SH3GL2: variants seen among roughly 807,000 people sequenced by gnomAD.
SH3GL2 encodes endophilin-A1.
In SH3GL2, 24 loss-of-function variants were observed where a neutral mutation model predicts 46.0. The ratio of observed to expected loss-of-function variants is 0.52; its 90% CI spans 0.38 to 0.73. SH3GL2 has a LOEUF of 0.73. Ranked by LOEUF, SH3GL2 falls within the 30% of genes least tolerant of loss-of-function variation. The pLI, the probability that SH3GL2 is intolerant of heterozygous loss-of-function variation, is 0.00. For missense variants in SH3GL2, 413 were observed against 424.2 expected (o/e 0.97, Z 0.23); for synonymous variants, 196 against 147.1 (o/e 1.33, Z -2.40).
chr9:17,634,077 T>C (rs1819490423), intron 1 of SH3GL2, among the ~76,000 whole-genome samples: 2 of 152,210 alleles, frequency 1.3e-5, no homozygotes, highest in Non-Finnish European at 2.9e-5. Flanking sequence ...ACTCAGACTC[T>C]TGATGTGGAG....
At chr9:17,677,998 C>T (rs1343858092) in intron 1 of SH3GL2, among the ~76,000 whole-genome samples, 24 of 152,148 alleles carry the variant, frequency 1.6e-4, no homozygotes, top group African/African-American at 3.6e-4. Context: ...ATGGTGTGTA[C>T]GTGCCACATT....
chr9:17,679,705 C>T (rs527593227), intron 1 of SH3GL2, among the ~76,000 whole-genome samples: 294 of 152,198 alleles, frequency 1.9e-3, no homozygotes, highest in East Asian at 6.0e-3. Flanking sequence ...TTGTCTTGTG[C>T]GAGTTTTCAA....
chr9:17,588,506 G>T (rs1388118336), intron 1 of SH3GL2, among the ~76,000 whole-genome samples: 4 of 152,178 alleles, frequency 2.6e-5, no homozygotes, highest in African/African-American at 9.7e-5. Flanking sequence ...AGCAGGACTG[G>T]ACATGCTGTT....
intron 1 of SH3GL2, among the ~76,000 whole-genome samples, chr9:17,699,144 ACT>A (rs1225237987): frequency 3.4e-5 from 4 of 117,010 alleles, no homozygotes; most frequent in African/African-American, 1.5e-4. Context: ...ACAGAGTGAG[ACT>A]CTGTCTCAAA....
intron 1 of SH3GL2, among the ~76,000 whole-genome samples, chr9:17,651,020 G>T (rs1422976630): frequency 6.6e-6 from 1 of 152,036 alleles, no homozygotes; most frequent in Non-Finnish European, 1.5e-5. Context: ...ACACATGTAT[G>T]TGTGGTGTGT....
chr9:17,789,623 C>T (rs777293113), intron 6 of SH3GL2, 73 bp downstream of exon 6: 4 of 1,589,484 alleles, frequency 2.5e-6, no homozygotes, highest in African/African-American at 2.7e-5. Flanking sequence ...AGGCCATAAC[C>T]CTTAAAAGCA....
chr9:17,713,310 C>G lies in SH3GL2; in HGVS notation c.46-33756C>G, dbSNP rs144064767. On this transcript the variant is annotated intron_variant, in intron 1 of 8. Transcript: ENST00000380607. ...TATTCTTTTCCTGTGATAAGTTTTC[C>G]TAGAGATTTATCAATTTTATTGATC... Among the ~76,000 whole-genome samples the G allele has an allele frequency of 4.3e-3, 649 of 151,448 alleles. 3 individuals carry two copies. Among genetic ancestry groups the G allele is most frequent in the African/African-American group, 0.015 (619 of 41,398 alleles).
chr9:17,667,347 A>G (rs1452851009), intron 1 of SH3GL2, among the ~76,000 whole-genome samples: 3 of 151,982 alleles, frequency 2.0e-5, no homozygotes, highest in African/African-American at 7.3e-5. Context: ...CTAAAAAGAA[A>G]CCCCATGCCC....
chr9:17,588,491 G>A (rs549045639), intron 1 of SH3GL2, among the ~76,000 whole-genome samples: 11 of 152,302 alleles, frequency 7.2e-5, no homozygotes, highest in Middle Eastern at 3.4e-3. Context: ...GAGATTGGAA[G>A]TATGAGCAGG....
At chr9:17,755,702 G>A (rs964571385) in intron 2 of SH3GL2, 9 of 763,762 alleles carry the variant, frequency 1.2e-5, no homozygotes, top group Non-Finnish European at 1.4e-5. Context: ...TACAGCATCT[G>A]GTATAATGTG....
At chr9:17,670,281 C>G (rs1820441272) in intron 1 of SH3GL2, among the ~76,000 whole-genome samples, 1 of 152,182 alleles carries the variant, frequency 6.6e-6, no homozygotes, top group African/African-American at 2.4e-5. Context: ...TGTTTGCAGT[C>G]TGATCTTCCA....
At chr9:17,771,584 ATTT>A (rs1429509212) in intron 3 of SH3GL2, among the ~76,000 whole-genome samples, 2 of 152,178 alleles carry the variant, frequency 1.3e-5, no homozygotes, top group South Asian at 2.1e-4. Context: ...AGGGTTGTGT[ATTT>A]TTCAGATTTC....
intron 1 of SH3GL2, among the ~76,000 whole-genome samples, chr9:17,581,058 C>T (rs561349889): frequency 1.3e-5 from 2 of 152,206 alleles, no homozygotes. Flanking sequence ...TGAAGAGAAA[C>T]GAGTGTGTAG....
At position 17,685,616 on chromosome 9, in the gene SH3GL2, A is replaced by G. The variant is rs543800277; in HGVS notation, c.46-61450A>G. On this transcript the variant is annotated intron_variant, in intron 1 of 8. Coordinates refer to ENST00000380607, the MANE Select transcript of SH3GL2 (RefSeq NM_003026.5). ...TAAGTCTTTAATCCATCTTGAATTG[A>G]TTTTTGTATAAGGTGTGAGGAAGGG... 7.0e-4 allele frequency among the ~76,000 whole-genome samples: 107 copies of G among 152,046 alleles called. 3 individuals are homozygous for G. In the South Asian group the frequency reaches 0.02, roughly 29 times the overall value.
At chr9:17,763,045 A>G (rs377517992) in intron 3 of SH3GL2, among the ~76,000 whole-genome samples, 6 of 152,186 alleles carry the variant, frequency 3.9e-5, no homozygotes, top group African/African-American at 1.4e-4. Context: ...GAGGAGGAAT[A>G]TAGTATTTAT....
intron 1 of SH3GL2, among the ~76,000 whole-genome samples, chr9:17,595,867 T>C (rs563018247): frequency 1.3e-5 from 2 of 152,350 alleles, no homozygotes; most frequent in Non-Finnish European, 2.9e-5. Context: ...CCAGGCGTTA[T>C]GCTATATTGT....
chr9:17,721,966 G>A (rs1821905022), intron 1 of SH3GL2, among the ~76,000 whole-genome samples: 1 of 152,094 alleles, frequency 6.6e-6, no homozygotes, highest in East Asian at 1.9e-4. Flanking sequence ...AGTGAGGTGA[G>A]GTGAGGTTGA....
At chr9:17,730,477 C>T (rs909318352) in intron 1 of SH3GL2, among the ~76,000 whole-genome samples, 1 of 152,042 alleles carries the variant, frequency 6.6e-6, no homozygotes, top group Admixed American at 6.6e-5. Context: ...TTGTCTTGGC[C>T]AGCACTTCCA....
intron 7 of SH3GL2, among the ~76,000 whole-genome samples, 158 bp from the exon 8 acceptor site, chr9:17,793,209 A>T (rs919967893): frequency 9.2e-5 from 14 of 152,234 alleles, no homozygotes; most frequent in African/African-American, 2.9e-4. Context: ...TCTCAGACAT[A>T]TACATACAAG....
Sources: allele counts gnomAD v4.1 joint callset (sites outside exome capture counted in the v4.1 genomes callset), GRCh38; gene constraint gnomAD v4.1.1; transcripts MANE v1.5; gene names NCBI Gene and HGNC (gene_info 2026-07-23, HGNC 2026-07-21).